Variants in IQCJ observed in about 807,000 individuals in gnomAD.
IQCJ encodes IQ domain-containing protein J.
A neutral mutation model predicts 11.0 loss-of-function variants in IQCJ; 9 were observed. The observed-to-expected ratio is 0.82, with a 90% CI of 0.49 to 1.43. The LOEUF (loss-of-function observed/expected upper bound fraction) is 1.43. Among genes scored for constraint, IQCJ ranks in the 40% most tolerant of loss-of-function variants. The probability of loss-of-function intolerance (pLI) is 0.00; values close to 1 mark genes in which losing one functional copy is unlikely to be tolerated. For synonymous variants in IQCJ, 55 were observed against 51.3 expected (o/e 1.07, Z -0.31); for missense variants, 146 against 133.2 (o/e 1.10, Z -0.47).
chr3:159,088,036 G>C (rs936855406), intron 1 of IQCJ, among the ~76,000 whole-genome samples: 1 of 151,768 alleles, frequency 6.6e-6, no homozygotes, highest in African/African-American at 2.4e-5. Context: ...GATCTTTCCT[G>C]CTTTCTCTTG....
chr3:159,111,686 C>T (rs1394332165), intron 1 of IQCJ, among the ~76,000 whole-genome samples: 4 of 152,164 alleles, frequency 2.6e-5, no homozygotes, highest in Admixed American at 6.5e-5. Flanking sequence ...TGCTTGACCC[C>T]AAAGAACCTG....
At chr3:159,222,911 T>C (rs1725634481) in intron 1 of IQCJ, among the ~76,000 whole-genome samples, 1 of 152,048 alleles carries the variant, frequency 6.6e-6, no homozygotes, top group Non-Finnish European at 1.5e-5. Context: ...AGTAAAGTTA[T>C]TCAACTCTAA....
rs75774042 is a variant in IQCJ at position 159,153,860 on chromosome 3, G to A, written c.9+84419G>A. Among the ~76,000 whole-genome samples the A allele has an allele frequency of 4.2e-4, 64 of 152,272 alleles. 1 individual carries two copies. In the East Asian group the frequency reaches 0.012, roughly 28 times the overall value. On this transcript the variant is annotated intron_variant, in intron 1 of 3. Coordinates refer to ENST00000397832, the MANE Select transcript of IQCJ (RefSeq NM_001042706.3). ...GAGAAAATCCTAGTGCTGTCACTGC[G>A]GAGCTGTCTGTGGTTGTAGAGTTGG...
intron 1 of IQCJ, among the ~76,000 whole-genome samples, chr3:159,150,583 AACACACAC>A (rs373030886): frequency 6.2e-5 from 9 of 146,094 alleles, no homozygotes; most frequent in African/African-American, 1.3e-4. Flanking sequence ...CATTGTCCCC[AACACACAC>A]ACACACACAC....
At chr3:159,113,930 G>A (rs1718790828) in intron 1 of IQCJ, among the ~76,000 whole-genome samples, 4 of 152,168 alleles carry the variant, frequency 2.6e-5, no homozygotes, top group Admixed American at 1.3e-4. Flanking sequence ...GCAAATATTC[G>A]AGAACATCAG....
chr3:159,113,891 G>A (rs1412468336), intron 1 of IQCJ, among the ~76,000 whole-genome samples: 1 of 152,114 alleles, frequency 6.6e-6, no homozygotes, highest in African/African-American at 2.4e-5. Flanking sequence ...ATTGAAAAAT[G>A]AGGAGGCAGT....
intron 1 of IQCJ, among the ~76,000 whole-genome samples, chr3:159,145,648 TA>T (rs979059668): frequency 8.5e-5 from 13 of 152,086 alleles, no homozygotes; most frequent in Admixed American, 7.9e-4. Context: ...AATGTATCCA[TA>T]AATTTTAATC....
chr3:159,197,248 G>C (rs1403561437), intron 1 of IQCJ, among the ~76,000 whole-genome samples: 1 of 152,202 alleles, frequency 6.6e-6, no homozygotes, highest in Non-Finnish European at 1.5e-5. Flanking sequence ...TGGAGGAAGT[G>C]AAGAGTAATT....
At chr3:159,246,370 A>G (rs923022923) in intron 2 of IQCJ, among the ~76,000 whole-genome samples, 4 of 152,230 alleles carry the variant, frequency 2.6e-5, no homozygotes, top group African/African-American at 9.7e-5. Context: ...TTTATAATAT[A>G]CCCTGTACTG....
At chr3:159,188,254 T>C (rs1231492227) in intron 1 of IQCJ, among the ~76,000 whole-genome samples, 3 of 151,982 alleles carry the variant, frequency 2.0e-5, no homozygotes, top group African/African-American at 7.3e-5. Flanking sequence ...CTATTAAAAA[T>C]ACAAAATTAG....
At chr3:159,124,949 A>G (rs1719591042) in intron 1 of IQCJ, among the ~76,000 whole-genome samples, 1 of 152,228 alleles carries the variant, frequency 6.6e-6, no homozygotes, top group African/African-American at 2.4e-5. Context: ...CGCAAGGTAC[A>G]TTCTATTCTT....
intron 1 of IQCJ, among the ~76,000 whole-genome samples, chr3:159,076,830 C>T (rs920951478): frequency 1.3e-5 from 2 of 152,114 alleles, no homozygotes; most frequent in African/African-American, 4.8e-5. Context: ...TGAGCATTAT[C>T]ATTTATCAGC....
chr3:159,144,659 CAG>C (rs1164243599), intron 1 of IQCJ, among the ~76,000 whole-genome samples: 13 of 33,906 alleles, frequency 3.8e-4, no homozygotes, highest in Middle Eastern at 0.012. Flanking sequence ...CATACACACA[CAG>C]ACACACACAC....
At chr3:159,213,697 A>G (rs572928022) in intron 1 of IQCJ, among the ~76,000 whole-genome samples, 1 of 152,336 alleles carries the variant, frequency 6.6e-6, no homozygotes, top group East Asian at 1.9e-4. Flanking sequence ...TGCATAATTT[A>G]CGAATGAATT....
chr3:159,187,230 A>G (rs1395924709), intron 1 of IQCJ, among the ~76,000 whole-genome samples: 2 of 152,204 alleles, frequency 1.3e-5, no homozygotes, highest in Non-Finnish European at 2.9e-5. Flanking sequence ...AGAAAAGGCT[A>G]TTGCCTCTGA....
chr3:159,162,908 C>A (rs143278524), intron 1 of IQCJ, among the ~76,000 whole-genome samples: 5,867 of 152,182 alleles, frequency 0.039, 401 homozygotes, highest in African/African-American at 0.14. Context: ...CAATAACAGG[C>A]TCTGAAATTG....
At chr3:159,254,016 C>G (rs2044704) in intron 3 of IQCJ, among the ~76,000 whole-genome samples, 116,544 of 152,196 alleles carry the variant, frequency 0.77, 45,776 homozygotes, top group African/African-American at 0.92. Flanking sequence ...TGCCCAGCTA[C>G]AAAGTTCTGT....
intron 1 of IQCJ, 104 bp from the exon 2 acceptor site, chr3:159,245,739 T>G: frequency 1.0e-6 from 1 of 985,542 alleles, no homozygotes; most frequent in Non-Finnish European, 1.5e-6. Flanking sequence ...AGTCCAGAAC[T>G]CTTAATGTTG....
chr3:159,202,784 T>C (rs1724428252), intron 1 of IQCJ, among the ~76,000 whole-genome samples: 1 of 152,098 alleles, frequency 6.6e-6, no homozygotes, highest in Non-Finnish European at 1.5e-5. Flanking sequence ...ACTATAGGAG[T>C]GAGCCACCGT....
Sources: gnomAD v4.1 joint callset for allele counts (sites outside exome capture counted in the v4.1 genomes callset) on GRCh38, gnomAD v4.1.1 for gene constraint, MANE v1.5 for transcripts, NCBI Gene and HGNC (gene_info 2026-07-23, HGNC 2026-07-21) for gene names.